Variants in GRAMD1B observed in about 807,000 individuals in gnomAD.
GRAMD1B encodes GRAM domain containing 1B, also known as protein Aster-B.
GRAMD1B carries 37 observed loss-of-function variants against 99.7 expected under a neutral mutation model. That is an observed-to-expected ratio of 0.37 (90% CI 0.29 to 0.49). The LOEUF (loss-of-function observed/expected upper bound fraction) is 0.49. Among genes scored for constraint, GRAMD1B ranks in the 20% least tolerant of loss-of-function variants. The pLI is 0.98. For synonymous variants in GRAMD1B, 427 were observed against 387.6 expected, an observed-to-expected ratio of 1.10 and a Z score of -1.19; for missense variants, 888 against 1,009.2, an observed-to-expected ratio of 0.88 and a Z score of 1.63.
chr11:123,396,000 TTAG>T (rs1439048789), intron 1 of GRAMD1B, among the ~76,000 whole-genome samples: 2 of 152,138 alleles, frequency 1.3e-5, no homozygotes, highest in African/African-American at 4.8e-5. Flanking sequence ...TAGCTTATAT[TTAG>T]TAGTAGTAAT....
intron 1 of GRAMD1B, among the ~76,000 whole-genome samples, chr11:123,369,511 T>G (rs1429519787): frequency 3.3e-5 from 5 of 152,040 alleles, no homozygotes; most frequent in Admixed American, 2.6e-4. Context: ...GAACCAATAT[T>G]CATGGTCCGC....
intron 14 of GRAMD1B, among the ~76,000 whole-genome samples, chr11:123,611,750 G>C (rs951494114): frequency 1.3e-5 from 2 of 152,172 alleles, no homozygotes; most frequent in Admixed American, 1.3e-4. Flanking sequence ...TTGTTGAGTT[G>C]GGGAGTGACA....
chr11:123,491,129 T>C (rs1938512285), intron 2 of GRAMD1B, among the ~76,000 whole-genome samples: 1 of 152,080 alleles, frequency 6.6e-6, no homozygotes, highest in Non-Finnish European at 1.5e-5. Flanking sequence ...GGTCGGGAGT[T>C]TGAGACCAGC....
At chr11:123,519,757 G>T (rs146938983) in intron 2 of GRAMD1B, among the ~76,000 whole-genome samples, 1 of 152,246 alleles carries the variant, frequency 6.6e-6, no homozygotes, top group Non-Finnish European at 1.5e-5. Context: ...GGATCCTGTC[G>T]TTTATTTTCT....
upstream of GRAMD1B, among the ~76,000 whole-genome samples, chr11:123,428,779 C>T (rs928240067): frequency 6.6e-6 from 1 of 152,152 alleles, no homozygotes; most frequent in Non-Finnish European, 1.5e-5. Flanking sequence ...TGTCCTGGCA[C>T]GGAAGCTGGG....
chr11:123,586,469 C>A (rs1043162445), intron 4 of GRAMD1B, among the ~76,000 whole-genome samples: 9 of 152,220 alleles, frequency 5.9e-5, no homozygotes, highest in African/African-American at 2.2e-4. Context: ...AGAGGCCAAG[C>A]GCACAAGGGG....
chr11:123,367,178 G>A (rs1282300751), intron 1 of GRAMD1B, among the ~76,000 whole-genome samples: 1 of 152,164 alleles, frequency 6.6e-6, no homozygotes, highest in African/African-American at 2.4e-5. Flanking sequence ...GCTCTAGCCT[G>A]GGCAACAGAG....
chr11:123,583,347 G>A (rs1303967031), intron 3 of GRAMD1B, among the ~76,000 whole-genome samples: 3 of 150,734 alleles, frequency 2.0e-5, no homozygotes, highest in Non-Finnish European at 4.4e-5. Context: ...TGGTGTGCAC[G>A]TGTGCATGTG....
intron 1 of GRAMD1B, among the ~76,000 whole-genome samples, chr11:123,406,157 T>A (rs1354756279): frequency 3.3e-5 from 5 of 151,956 alleles, no homozygotes; most frequent in Non-Finnish European, 7.4e-5. Flanking sequence ...AGAGACGGGT[T>A]TTCACTATGT....
intron 1 of GRAMD1B, among the ~76,000 whole-genome samples, chr11:123,370,487 C>T (rs528993442): frequency 2.0e-5 from 3 of 151,998 alleles, no homozygotes; most frequent in East Asian, 3.9e-4. Context: ...ACTACAGTCA[C>T]ATGCCACCAC....
intron 8 of GRAMD1B, 58 bp from the exon 9 acceptor site, chr11:123,603,368 G>A: frequency 7.6e-6 from 8 of 1,053,160 alleles, no homozygotes; most frequent in Non-Finnish European, 1.2e-5. Flanking sequence ...CAGTGCCTCT[G>A]TGCAGAGTCG....
intron 1 of GRAMD1B, chr11:123,459,617 A>G (rs902009661): frequency 1.3e-5 from 2 of 152,192 alleles, no homozygotes; most frequent in Non-Finnish European, 1.5e-5. Context: ...GAGAGAGAAG[A>G]ATATTATTTT....
chr11:123,568,778 A>C (rs1947714401), intron 2 of GRAMD1B, among the ~76,000 whole-genome samples: 1 of 152,154 alleles, frequency 6.6e-6, no homozygotes, highest in Non-Finnish European at 1.5e-5. Flanking sequence ...AAAAAAAAGC[A>C]ACTCTTCTCA....
intron 1 of GRAMD1B, among the ~76,000 whole-genome samples, chr11:123,471,933 A>G (rs1951035325): frequency 6.6e-6 from 1 of 152,220 alleles, no homozygotes; most frequent in South Asian, 2.1e-4. Flanking sequence ...CAGCAATTAC[A>G]AAGTAGTATG....
intron 2 of GRAMD1B, among the ~76,000 whole-genome samples, chr11:123,548,311 TATATATATATATATAC>T (rs1203285001): frequency 3.6e-5 from 3 of 84,328 alleles, no homozygotes; most frequent in Admixed American, 2.7e-4. Context: ...TATATATATA[TATATATATATATATAC>T]ACACACACAC....
intron 1 of GRAMD1B, among the ~76,000 whole-genome samples, chr11:123,417,442 G>A (rs1035046506): frequency 6.6e-6 from 1 of 152,100 alleles, no homozygotes; most frequent in Non-Finnish European, 1.5e-5. Flanking sequence ...TGTAGTATAG[G>A]TGCATTCAGG....
At chr11:123,461,329 A>G (rs1950403759) in intron 1 of GRAMD1B, among the ~76,000 whole-genome samples, 1 of 152,172 alleles carries the variant, frequency 6.6e-6, no homozygotes, top group Admixed American at 6.5e-5. Flanking sequence ...CTGTTTCCTA[A>G]GAGTCCCCCA....
chr11:123,425,318 T>G (rs1247190667), upstream of GRAMD1B, among the ~76,000 whole-genome samples: 1 of 152,168 alleles, frequency 6.6e-6, no homozygotes, highest in Non-Finnish European at 1.5e-5. Context: ...CCACCTGCTT[T>G]CCTTGGGATG....
chr11:123,388,370 C>T (rs770315098), intron 1 of GRAMD1B, among the ~76,000 whole-genome samples: 1 of 151,594 alleles, frequency 6.6e-6, no homozygotes, highest in Non-Finnish European at 1.5e-5. Flanking sequence ...GATTAATTCC[C>T]TTATAAGAAG....
Sources: gnomAD v4.1 joint callset for allele counts (sites outside exome capture counted in the v4.1 genomes callset) on GRCh38, gnomAD v4.1.1 for gene constraint, MANE v1.5 for transcripts, NCBI Gene and HGNC (gene_info 2026-07-23, HGNC 2026-07-21) for gene names.